Variants in SLC9A9 observed in about 807,000 individuals in gnomAD.
SLC9A9 encodes sodium/hydrogen exchanger 9.
A neutral mutation model predicts 77.8 loss-of-function variants in SLC9A9; 62 were observed. The ratio of observed to expected loss-of-function variants is 0.80; its 90% CI spans 0.65 to 0.98. The LOEUF is 0.98. Ranked by LOEUF, SLC9A9 falls within the 50% of genes least tolerant of loss-of-function variation. SLC9A9 has a pLI of 0.00. For synonymous variants in SLC9A9, 320 were observed against 283.5 expected, an observed-to-expected ratio of 1.13 and a Z score of -1.29; for missense variants, 775 against 774.9, an observed-to-expected ratio of 1.00 and a Z score of 0.00.
intron 9 of SLC9A9, among the ~76,000 whole-genome samples, chr3:143,516,167 C>T (rs187366408): frequency 2.2e-4 from 34 of 152,206 alleles, no homozygotes; most frequent in Admixed American, 6.5e-4. Context: ...AAACTGTACA[C>T]GACATGTTCT....
chr3:143,624,943 A>T (rs1359543622), intron 6 of SLC9A9, among the ~76,000 whole-genome samples: 1 of 152,182 alleles, frequency 6.6e-6, no homozygotes, highest in African/African-American at 2.4e-5. Flanking sequence ...AATGTGCAAA[A>T]ATTACAAGCA....
chr3:143,495,161 T>C (rs1287893350), intron 10 of SLC9A9, among the ~76,000 whole-genome samples, 174 bp downstream of exon 10: 1 of 152,158 alleles, frequency 6.6e-6, no homozygotes, highest in African/African-American at 2.4e-5. Flanking sequence ...TTAATGGAGG[T>C]CCTAATTTCT....
intron 13 of SLC9A9, among the ~76,000 whole-genome samples, chr3:143,366,540 T>C (rs111922806): frequency 6.6e-5 from 10 of 152,332 alleles, no homozygotes; most frequent in African/African-American, 2.4e-4. Context: ...GTCTGTAAAA[T>C]GAATTGAGGA....
chr3:143,554,450 C>A (rs776322513), intron 8 of SLC9A9, among the ~76,000 whole-genome samples: 4 of 152,140 alleles, frequency 2.6e-5, no homozygotes, highest in Non-Finnish European at 5.9e-5. Context: ...GTTTACTTGT[C>A]CTTCAAAATG....
At chr3:143,626,501 C>T (rs1381823289) in intron 6 of SLC9A9, among the ~76,000 whole-genome samples, 2 of 151,554 alleles carry the variant, frequency 1.3e-5, no homozygotes, top group African/African-American at 4.8e-5. Flanking sequence ...TCATTCTCAG[C>T]AAACTATCGC....
At chr3:143,393,932 G>C (rs748653446) in intron 12 of SLC9A9, among the ~76,000 whole-genome samples, 10,464 of 150,796 alleles carry the variant, frequency 0.069, 662 homozygotes, top group African/African-American at 0.16. Flanking sequence ...AGACCAATAT[G>C]AGGCTCTGAA....
chr3:143,704,240 C>T (rs73152878), intron 4 of SLC9A9, among the ~76,000 whole-genome samples: 21,249 of 152,044 alleles, frequency 0.14, 1,458 homozygotes, highest in Middle Eastern at 0.26. Context: ...CAGTATTATC[C>T]TCATAACAAG....
At chr3:143,418,434 A>C (rs1210492364) in intron 12 of SLC9A9, among the ~76,000 whole-genome samples, 2 of 152,080 alleles carry the variant, frequency 1.3e-5, no homozygotes, top group Non-Finnish European at 2.9e-5. Flanking sequence ...AAGCAGAAGC[A>C]AGGACATCTG....
chr3:143,478,311 G>T (rs141881259), intron 11 of SLC9A9, among the ~76,000 whole-genome samples: 212 of 152,326 alleles, frequency 1.4e-3, no homozygotes, highest in Middle Eastern at 6.8e-3. Flanking sequence ...TGTAGGAAAT[G>T]TGGTGCGAGT....
intron 6 of SLC9A9, among the ~76,000 whole-genome samples, chr3:143,643,525 C>A (rs1472694705): frequency 6.6e-6 from 1 of 152,164 alleles, no homozygotes. Flanking sequence ...GCAGTATATG[C>A]CATATAAAAT....
intron 12 of SLC9A9, among the ~76,000 whole-genome samples, chr3:143,453,577 C>A (rs2035041959): frequency 6.6e-6 from 1 of 152,118 alleles, no homozygotes; most frequent in South Asian, 2.1e-4. Flanking sequence ...ATGATTATCT[C>A]AACATATTCT....
intron 1 of SLC9A9, among the ~76,000 whole-genome samples, chr3:143,841,979 T>C (rs1374339008): frequency 6.6e-5 from 10 of 152,172 alleles, no homozygotes; most frequent in Admixed American, 6.5e-4. Context: ...GCTCTCGAAC[T>C]CCTGACCTCA....
At chr3:143,524,739 T>G (rs1250210153) in intron 9 of SLC9A9, among the ~76,000 whole-genome samples, 5 of 152,220 alleles carry the variant, frequency 3.3e-5, no homozygotes, top group Admixed American at 1.3e-4. Context: ...TGGTTCCCAG[T>G]GAGACAGTGT....
chr3:143,768,378 G>A (rs745896207), intron 4 of SLC9A9, among the ~76,000 whole-genome samples: 3 of 152,110 alleles, frequency 2.0e-5, no homozygotes, highest in African/African-American at 4.8e-5. Flanking sequence ...TGTATTTTAT[G>A]CCCAAGTTAT....
intron 4 of SLC9A9, among the ~76,000 whole-genome samples, chr3:143,748,925 G>T (rs185492684): frequency 0.052 from 7,794 of 150,946 alleles, 232 homozygotes; most frequent in Middle Eastern, 0.065. Context: ...GGATGGTCTC[G>T]ATCTCCTGAC....
At chr3:143,629,026 G>A (rs1395418573) in intron 6 of SLC9A9, among the ~76,000 whole-genome samples, 2 of 152,074 alleles carry the variant, frequency 1.3e-5, no homozygotes, top group African/African-American at 4.8e-5. Flanking sequence ...GTCTTTTTGG[G>A]GTAAATTATG....
At chr3:143,431,480 C>A (rs535016670) in intron 12 of SLC9A9, among the ~76,000 whole-genome samples, 1 of 122,804 alleles carries the variant, frequency 8.1e-6, no homozygotes, top group Non-Finnish European at 1.7e-5. Context: ...AGTAGCTGCC[C>A]CCACCTTTTT....
At position 143,626,319 on chromosome 3, in the gene SLC9A9, A is replaced by G. The variant is rs147313220; in HGVS notation, c.755+25936T>C. Among the ~76,000 whole-genome samples, 33 of 152,366 alleles carry G rather than the reference A, an allele frequency of 2.2e-4. No individual in the cohort carries two copies. In the East Asian group the frequency reaches 6.4e-3, roughly 29 times the overall value. On this transcript the variant is annotated intron_variant, in intron 6 of 15. Transcript: ENST00000316549. ...CTGCTATAAAGACACATGCACACGTATGTTTATTGCGGCACTATTCACAGT... is the reference window on the plus strand; with the variant it reads ...CTGCTATAAAGACACATGCACACGTGTGTTTATTGCGGCACTATTCACAGT...
chr3:143,282,050 A>T (rs1317600085), intron 14 of SLC9A9, among the ~76,000 whole-genome samples: 1 of 152,184 alleles, frequency 6.6e-6, no homozygotes, highest in African/African-American at 2.4e-5. Context: ...GGCACTTGGA[A>T]ATCCTAAATC....
Sources: gnomAD v4.1 joint callset for allele counts (sites outside exome capture counted in the v4.1 genomes callset) on GRCh38, gnomAD v4.1.1 for gene constraint, MANE v1.5 for transcripts, NCBI Gene and HGNC (gene_info 2026-07-23, HGNC 2026-07-21) for gene names.